SPACA9: variants seen among roughly 807,000 people sequenced by gnomAD.
SPACA9 encodes the protein sperm acrosome associated 9.
A neutral mutation model predicts 12.5 loss-of-function variants in SPACA9; 14 were observed. That is an observed-to-expected ratio of 1.12 (90% CI 0.74 to 1.75). The LOEUF (loss-of-function observed/expected upper bound fraction) is 1.75, where lower values mean the gene tolerates loss of function less well. SPACA9 is among the 40% of genes most tolerant of loss of function. The pLI, the probability that SPACA9 is intolerant of heterozygous loss-of-function variation, is 0.00. For synonymous variants in SPACA9, 111 were observed against 114.1 expected, an observed-to-expected ratio of 0.97 and a Z score of 0.17; for missense variants, 292 against 291.9, an observed-to-expected ratio of 1.00 and a Z score of 0.00.
At chr9:132,882,325 C>T (rs1185386575) in intron 1 of SPACA9, among the ~76,000 whole-genome samples, 2 of 152,192 alleles carry the variant, frequency 1.3e-5, no homozygotes, top group Admixed American at 6.5e-5. Context: ...GCCTCTTCCC[C>T]AGCCTCCTCC....
chr9:132,887,422 G>A lies in SPACA9; in HGVS notation c.198G>A (p.Leu66=), dbSNP rs772769293. ...ACAGCTCCACAGACCGGCGGGTTCT[G>A]CTCATGTTCCTGGACATCTGTTCAG... The part of the protein sequence containing the change: ...YCNSSTDRRV[L]LMFLDICSEL... Residue 66 remains leucine, a synonymous_variant, in exon 3 of 4, where the codon CTG becomes CTA. Transcript: ENST00000356311. The surrounding 1 kb of genome is among the most constrained non-coding windows in gnomAD (Gnocchi z 5.4). 6.2e-7 allele frequency: 1 copy of A among 1,611,278 alleles called. No individual in the cohort carries two copies. The highest frequency in any genetic ancestry group is 1.3e-5 in the African/African-American group (1 of 74,878).
intron 1 of SPACA9, among the ~76,000 whole-genome samples, chr9:132,882,839 G>A (rs112476628): frequency 1.4e-3 from 217 of 152,264 alleles, no homozygotes; most frequent in African/African-American, 5.0e-3. Flanking sequence ...GAGTGTGGCA[G>A]CACTGACGAT....
chr9:132,884,822 A>C (rs868453810), intron 2 of SPACA9, among the ~76,000 whole-genome samples: 4 of 152,214 alleles, frequency 2.6e-5, no homozygotes. Context: ...TCCTTTAAAA[A>C]CATTTTTTTC....
intron 2 of SPACA9, among the ~76,000 whole-genome samples, chr9:132,886,745 A>G (rs2131492397): frequency 6.6e-6 from 1 of 152,308 alleles, no homozygotes; most frequent in Non-Finnish European, 1.5e-5. Context: ...AGCATTTTGC[A>G]TGGTGCCTGG....
rs370256901 is a variant in SPACA9, at chr9:132,889,995, G to T, written c.*1384G>T. On this transcript the variant is annotated 3_prime_UTR_variant, in exon 4 of 4. Transcript: ENST00000356311. The stretch of plus-strand genomic sequence containing the variant: ...TTCTGTATTATTGTTGCTTCCTCAG[G>T]GGGAGACAGTCAAGAATAAAAAGTA... 1 of 1,487,236 alleles carries T rather than the reference G, an allele frequency of 6.7e-7. No individual in the cohort carries two copies. Among genetic ancestry groups the T allele is most frequent in the Non-Finnish European group, 9.0e-7 (1 of 1,112,048 alleles). 92.1% of individuals were successfully genotyped at this position (1,487,236 alleles called of 1,614,324 possible). A position where few individuals can be genotyped will look rare whatever the true frequency, so the allele number is the denominator to read the frequency against.
chr9:132,888,795 TCTCGCTCTGTCGCCCAGG>T lies in SPACA9; in HGVS notation c.*187_*204del. 3.0e-6 allele frequency: 4 copies of T among 1,350,948 alleles called. No individual in the cohort carries two copies. The highest frequency in any genetic ancestry group is 3.8e-6 in the Non-Finnish European group (4 of 1,044,488). The allele number at this position is 1,350,948 out of a possible 1,614,324, so 83.7% of individuals were successfully genotyped here. A position where few individuals can be genotyped will look rare whatever the true frequency, so the allele number is the denominator to read the frequency against. Reference sequence around the variant, plus strand: ...AACTTCTTTTTTTTTTGAGACGGAGTCTCGCTCTGTCGCCCAGGCTGGAGTGCGGTGGCGCAACCTCGG... The same window carrying T: ...AACTTCTTTTTTTTTTGAGACGGAGTCTGGAGTGCGGTGGCGCAACCTCGG... On this transcript the variant is annotated 3_prime_UTR_variant, in exon 4 of 4. Transcript: ENST00000356311. The surrounding 1 kb of genome is among the most constrained non-coding windows in gnomAD (Gnocchi z 5.0).
Position 132,887,408 on chromosome 9 carries a change from G to C in SPACA9, c.184G>C (p.Asp62His). Reference protein sequence around the residue: ...YMEHYCNSSTDRRVLLMFLDI... With the variant: ...YMEHYCNSSTHRRVLLMFLDI... ...GGAACACTACTGCAACAGCTCCACA[G>C]ACCGGCGGGTTCTGCTCATGTTCCT... Residue 62 changes from aspartate to histidine, a missense_variant, in exon 3 of 4, where the codon GAC (aspartate) becomes CAC (histidine). By Grantham distance (81) the Asp-to-His change is moderately conservative. Transcript: ENST00000356311. The surrounding 1 kb of genome is among the most constrained non-coding windows in gnomAD (Gnocchi z 5.4). The C allele has an allele frequency of 6.2e-7, 1 of 1,610,836 alleles. No individual in the cohort carries two copies. Among genetic ancestry groups the C allele is most frequent in the Non-Finnish European group, 8.5e-7 (1 of 1,179,934 alleles).
At position 132,888,407 on chromosome 9, in the gene SPACA9, C is replaced by T. The variant is rs534480542; in HGVS notation, c.465C>T (p.Ser155=). ...TAATGAAAGAATGGATCGCCCACTC[C>T]GAGAAGTTGCCGCGCAAGGTGCTGC... ...LDLMKEWIAH[S]EKLPRKVLQH... Residue 155 remains serine, a synonymous_variant, in exon 4 of 4, where the codon TCC becomes TCT. Transcript: ENST00000356311. The surrounding 1 kb of genome is among the most constrained non-coding windows in gnomAD (Gnocchi z 5.0). 3.1e-5 allele frequency: 50 copies of T among 1,613,974 alleles called. No individual in the cohort carries two copies. Among genetic ancestry groups the T allele is most frequent in the Admixed American group, 2.5e-4 (15 of 60,018 alleles).
Position 132,887,489 on chromosome 9 carries a change from G to A in SPACA9, c.265G>A (p.Gly89Ser). Residue 89 changes from glycine (G) to serine (S), a missense_variant, in exon 3 of 4, where the codon GGC (glycine) becomes AGC (serine). By Grantham distance (56) the Gly-to-Ser change is moderately conservative. Transcript: ENST00000356311. This position sits in a 1 kb window ranked among gnomAD's most constrained non-coding sequence, Gnocchi z 5.4. ...CCAGCACTTTGAGGCCGTGCACTCTGGCACCCCAGTCACCAACAACCTCCT... is the reference window on the plus strand; with the variant it reads ...CCAGCACTTTGAGGCCGTGCACTCTAGCACCCCAGTCACCAACAACCTCCT... ...LCQHFEAVHS[G>S]TPVTNNLLEK... 2 of 1,614,066 alleles carry A rather than the reference G, an allele frequency of 1.2e-6. No individual in the cohort carries two copies. The highest frequency in any genetic ancestry group is 1.7e-6 in the Non-Finnish European group (2 of 1,180,014).
chr9:132,885,411 G>A (rs1844538010), intron 2 of SPACA9, among the ~76,000 whole-genome samples: 1 of 150,660 alleles, frequency 6.6e-6, no homozygotes, highest in Non-Finnish European at 1.5e-5. Flanking sequence ...GACTCGGGAG[G>A]CTGAGGCATG....
intron 1 of SPACA9, 34 bp from the exon 2 acceptor site, chr9:132,883,877 C>G: frequency 1.3e-6 from 2 of 1,541,160 alleles, no homozygotes; most frequent in Non-Finnish European, 1.8e-6. Flanking sequence ...CATTGGGTCC[C>G]AGGACCTCAT....
chr9:132,878,574 G>A (rs1249354452), upstream of SPACA9: 5 of 1,123,370 alleles, frequency 4.5e-6, no homozygotes, highest in Non-Finnish European at 5.4e-6. This position sits in a 1 kb window ranked among gnomAD's most constrained non-coding sequence, Gnocchi z 4.7. Context: ...TCGGCCCTCC[G>A]AGGGGACGGG....
intron 1 of SPACA9, among the ~76,000 whole-genome samples, chr9:132,879,225 G>A (rs1222911005): frequency 6.6e-6 from 1 of 152,212 alleles, no homozygotes; most frequent in Non-Finnish European, 1.5e-5. Flanking sequence ...GGGGCAGCTT[G>A]ATATTTTATT....
intron 1 of SPACA9, among the ~76,000 whole-genome samples, chr9:132,880,665 A>G (rs748757342): frequency 6.6e-6 from 1 of 152,162 alleles, no homozygotes; most frequent in African/African-American, 2.4e-5. Flanking sequence ...ATTGAGGTGG[A>G]TGTTTTTCAC....
intron 1 of SPACA9, among the ~76,000 whole-genome samples, chr9:132,883,459 T>C (rs1400230352): frequency 6.6e-6 from 1 of 152,256 alleles, no homozygotes; most frequent in African/African-American, 2.4e-5. Flanking sequence ...GCATATCCCT[T>C]GATCCCAGGT....
At position 132,889,692 on chromosome 9, in the gene SPACA9, G is replaced by A. The variant is rs1844696401; in HGVS notation, c.*1081G>A. 3.7e-6 allele frequency: 4 copies of A among 1,078,144 alleles called. No homozygotes were observed. Among genetic ancestry groups the A allele is most frequent in the Admixed American group, 5.2e-5 (1 of 19,272 alleles). 66.8% of individuals were successfully genotyped at this position (1,078,144 alleles called of 1,614,324 possible). A position where few individuals can be genotyped will look rare whatever the true frequency, so the allele number is the denominator to read the frequency against. On this transcript the variant is annotated 3_prime_UTR_variant, in exon 4 of 4. Transcript: ENST00000356311. ...GGCCTCCCAAAGTGCTGGGATTACA[G>A]GTGTGAGCCACGGCACCTGGCCAGA... is the stretch of plus-strand genomic sequence containing the variant.
intron 1 of SPACA9, among the ~76,000 whole-genome samples, chr9:132,883,096 T>C (rs534297248): frequency 1.6e-4 from 25 of 151,948 alleles, no homozygotes; most frequent in African/African-American, 6.1e-4. Context: ...ACAGGAGGAT[T>C]GTAGATGCTC....
chr9:132,889,439 C>A lies in SPACA9; in HGVS notation c.*828C>A. ...TTTTATTTTTTGAGATGGAGTTTCA[C>A]TCTGTCTCCCAGGCTGGAGTGCAGT... On this transcript the variant is annotated 3_prime_UTR_variant, in exon 4 of 4. Transcript: ENST00000356311. 1 of 982,056 alleles carries A rather than the reference C, an allele frequency of 1.0e-6. No individual in the cohort carries two copies. Among genetic ancestry groups the A allele is most frequent in the Non-Finnish European group, 1.2e-6 (1 of 826,910 alleles). 60.8% of individuals were successfully genotyped at this position (982,056 alleles called of 1,614,324 possible).
At position 132,887,604 on chromosome 9, in the gene SPACA9, G is replaced by T; in HGVS notation, c.347+33G>T. 6.4e-7 allele frequency: 1 copy of T among 1,574,110 alleles called. No individual in the cohort carries two copies. Among genetic ancestry groups the T allele is most frequent in the South Asian group, 1.1e-5 (1 of 90,134 alleles). On this transcript the variant is annotated intron_variant, in intron 3 of 3. Transcript: ENST00000356311. The surrounding 1 kb of genome is among the most constrained non-coding windows in gnomAD (Gnocchi z 5.4). ...CCTCTGATGCTGCTCTTGAGGCCCCGTGTGTGCCTGTGGGGAGGCCTCTGT... is the reference window on the plus strand; with the variant it reads ...CCTCTGATGCTGCTCTTGAGGCCCCTTGTGTGCCTGTGGGGAGGCCTCTGT...
Sources: allele counts gnomAD v4.1 joint callset (sites outside exome capture counted in the v4.1 genomes callset), GRCh38; gene constraint gnomAD v4.1.1; non-coding constraint Gnocchi (gnomAD v3.1); transcripts MANE v1.5; gene names NCBI Gene and HGNC (gene_info 2026-07-23, HGNC 2026-07-21).